The following BABAM2 variants were observed in gnomAD, a reference collection of about 807,000 sequenced individuals.
BABAM2 encodes BRISC and BRCA1-A complex member 2.
Under a neutral mutation model 54.7 loss-of-function variants are expected in BABAM2, and 31 were observed. That is an observed-to-expected ratio of 0.57 (90% confidence interval 0.43 to 0.77). The LOEUF is 0.77. Ranked by LOEUF, BABAM2 falls within the 30% of genes least tolerant of loss-of-function variation. The pLI is 0.00. For missense variants in BABAM2, 364 were observed against 455.8 expected, an observed-to-expected ratio of 0.80 and a Z score of 1.83; for synonymous variants, 167 against 162.9, an observed-to-expected ratio of 1.03 and a Z score of -0.19.
intron 5 of BABAM2, among the ~76,000 whole-genome samples, chr2:28,041,655 G>T (rs999072228): frequency 1.3e-5 from 2 of 152,142 alleles, no homozygotes; most frequent in Non-Finnish European, 2.9e-5. Flanking sequence ...GCACACGCCT[G>T]CATCAACCCT....
At chr2:28,247,969 A>G (rs1004316786) in intron 10 of BABAM2, among the ~76,000 whole-genome samples, 6 of 152,122 alleles carry the variant, frequency 3.9e-5, no homozygotes, top group Non-Finnish European at 8.8e-5. Flanking sequence ...GCCATGGAGC[A>G]TTTCCATCCA....
intron 11 of BABAM2, among the ~76,000 whole-genome samples, chr2:28,317,643 C>T (rs914438265): frequency 2.0e-5 from 3 of 152,222 alleles, no homozygotes; most frequent in Admixed American, 1.3e-4. Flanking sequence ...TTTGAAAATG[C>T]TTGACAGCCA....
intron 1 of BABAM2, among the ~76,000 whole-genome samples, chr2:27,893,637 C>T (rs1050295898): frequency 1.1e-4 from 16 of 152,112 alleles, no homozygotes; most frequent in African/African-American, 3.6e-4. Flanking sequence ...ATAGACCCTG[C>T]AGGGAAGAGA....
intron 7 of BABAM2, among the ~76,000 whole-genome samples, chr2:28,197,247 C>T (rs1677698726): frequency 6.6e-6 from 1 of 152,170 alleles, no homozygotes; most frequent in African/African-American, 2.4e-5. Flanking sequence ...GTCACATTGA[C>T]TCTTGTTTTA....
chr2:28,157,273 A>G (rs1398483963), intron 7 of BABAM2, among the ~76,000 whole-genome samples: 1 of 152,230 alleles, frequency 6.6e-6, no homozygotes, highest in Non-Finnish European at 1.5e-5. Context: ...AGTTATCCAA[A>G]GGTGAGACTC....
At chr2:28,309,631 T>G (rs1344126818) in intron 11 of BABAM2, 1 of 157,528 alleles carries the variant, frequency 6.3e-6, no homozygotes, top group Non-Finnish European at 1.4e-5. Flanking sequence ...GATACCATCA[T>G]ATGTACCCCA....
intron 7 of BABAM2, among the ~76,000 whole-genome samples, chr2:28,186,605 C>CAGAGACAGAG (rs1482919187): frequency 6.6e-6 from 1 of 150,550 alleles, no homozygotes; most frequent in Admixed American, 6.6e-5. Flanking sequence ...GACACAGAGA[C>CAGAGACAGAG]AGAGACAGAG....
Position 28,221,111 on chromosome 2 carries a change from CCT to C in BABAM2, c.681-16071_681-16070del, listed in dbSNP as rs72394956. 6.4e-3 allele frequency among the ~76,000 whole-genome samples: 944 copies of C among 147,962 alleles called. 9 individuals carry two copies. The highest frequency in any genetic ancestry group is 0.021 in the African/African-American group (836 of 40,338). ...GCTTCTCTCTCTCTTTCCCTTTTTT[CCT>C]CTCTCTCTCTCTCTCTCTCCACTGA... On this transcript the variant is annotated intron_variant, in intron 7 of 11. Coordinates refer to ENST00000379624, the MANE Select transcript of BABAM2 (RefSeq NM_199191.3).
At chr2:28,110,896 AAT>A (rs1667948648) in intron 6 of BABAM2, among the ~76,000 whole-genome samples, 1 of 151,672 alleles carries the variant, frequency 6.6e-6, no homozygotes, top group Non-Finnish European at 1.5e-5. Flanking sequence ...TAGCCATCCT[AAT>A]GGATTTGAGG....
intron 3 of BABAM2, among the ~76,000 whole-genome samples, chr2:27,931,490 T>C (rs1032867452): frequency 2.0e-5 from 3 of 152,204 alleles, no homozygotes; most frequent in African/African-American, 7.2e-5. Flanking sequence ...CCTGCGCTGA[T>C]ACATGAAGCA....
chr2:28,133,968 C>T (rs1158038416), intron 7 of BABAM2, among the ~76,000 whole-genome samples: 6 of 152,140 alleles, frequency 3.9e-5, no homozygotes, highest in Admixed American at 6.6e-5. Context: ...CGTGGCTGCA[C>T]GCCCTTACGA....
intron 3 of BABAM2, among the ~76,000 whole-genome samples, chr2:27,978,130 G>A (rs1398913378): frequency 2.6e-5 from 4 of 152,154 alleles, no homozygotes. Flanking sequence ...AAGTGTTTGG[G>A]TCATGGGGGT....
At chr2:27,997,045 A>C (rs1050823959) in intron 4 of BABAM2, among the ~76,000 whole-genome samples, 3 of 152,188 alleles carry the variant, frequency 2.0e-5, no homozygotes, top group Admixed American at 6.5e-5. Flanking sequence ...ATAAAATACA[A>C]TGTACATGTA....
chr2:28,201,797 C>T (rs1054248372), intron 7 of BABAM2, among the ~76,000 whole-genome samples: 3 of 152,090 alleles, frequency 2.0e-5, no homozygotes, highest in African/African-American at 7.2e-5. Context: ...CAAGAAACTG[C>T]GGTGCATCAG....
chr2:28,001,172 A>G lies in BABAM2; in HGVS notation c.300+13085A>G, dbSNP rs533717149. ...GCCATCTGTACCTATATTAAGGGAAACATGATTTTACTGATGTCTTCAACT... is the reference window on the plus strand; with the variant it reads ...GCCATCTGTACCTATATTAAGGGAAGCATGATTTTACTGATGTCTTCAACT... On this transcript the variant is annotated intron_variant, in intron 4 of 11. Coordinates refer to ENST00000379624, the MANE Select transcript of BABAM2 (RefSeq NM_199191.3). Among the ~76,000 whole-genome samples, 12 of 152,356 alleles carry G rather than the reference A, an allele frequency of 7.9e-5. No homozygotes were observed. The South Asian group carries it at 2.3e-3, about 29-fold the overall frequency.
intron 6 of BABAM2, among the ~76,000 whole-genome samples, chr2:28,067,507 T>G (rs891206834): frequency 6.6e-6 from 1 of 152,240 alleles, no homozygotes; most frequent in Non-Finnish European, 1.5e-5. Context: ...GATATGGCAT[T>G]ATACAACGGT....
chr2:28,164,674 C>T (rs373087692), intron 7 of BABAM2, among the ~76,000 whole-genome samples: 1 of 152,104 alleles, frequency 6.6e-6, no homozygotes, highest in African/African-American at 2.4e-5. Context: ...GGAACAGATA[C>T]TTCCATAGCT....
intron 2 of BABAM2, among the ~76,000 whole-genome samples, chr2:27,908,815 C>G (rs1666375607): frequency 6.6e-6 from 1 of 152,196 alleles, no homozygotes. Context: ...GTGTGCTATA[C>G]TGTTGTCCAC....
intron 7 of BABAM2, among the ~76,000 whole-genome samples, chr2:28,155,391 A>G (rs559508593): frequency 2.6e-5 from 4 of 152,216 alleles, no homozygotes; most frequent in South Asian, 2.1e-4. Context: ...AGAAAAGGAT[A>G]GGGAATTTAT....
Sources: allele counts gnomAD v4.1 joint callset (sites outside exome capture counted in the v4.1 genomes callset), GRCh38; gene constraint gnomAD v4.1.1; transcripts MANE v1.5; gene names NCBI Gene and HGNC (gene_info 2026-07-23, HGNC 2026-07-21).